Variants in MACROD2 observed in about 807,000 individuals in gnomAD.
The protein encoded by MACROD2 is mono-ADP ribosylhydrolase 2.
Under a neutral mutation model 70.4 loss-of-function variants are expected in MACROD2, and 36 were observed. The ratio of observed to expected loss-of-function variants is 0.51; its 90% confidence interval spans 0.39 to 0.68. The LOEUF is 0.68. Ranked by LOEUF, MACROD2 falls within the 30% of genes least tolerant of loss-of-function variation. The pLI is 0.00. For missense variants in MACROD2, 496 were observed against 538.4 expected, an observed-to-expected ratio of 0.92 and a Z score of 0.78; for synonymous variants, 172 against 178.8, an observed-to-expected ratio of 0.96 and a Z score of 0.30.
At chr20:14,419,659 T>A (rs1216995659) in intron 3 of MACROD2, among the ~76,000 whole-genome samples, 1 of 152,156 alleles carries the variant, frequency 6.6e-6, no homozygotes, top group Non-Finnish European at 1.5e-5. Context: ...AGGCATATTC[T>A]CTTTATAAAA....
At position 14,241,453 on chromosome 20, in the gene MACROD2, C is replaced by T. The variant is rs7263801; in HGVS notation, c.271+155725C>T. Among the ~76,000 whole-genome samples the T allele has an allele frequency of 5.4e-3, 816 of 151,662 alleles. 5 individuals are homozygous for T. The highest frequency in any genetic ancestry group is 0.018 in the African/African-American group (735 of 41,326). On this transcript the variant is annotated intron_variant, in intron 3 of 17. Coordinates refer to ENST00000684519, the MANE Select transcript of MACROD2 (RefSeq NM_001351661.2). ...AACCACTGCTGGGAATTCAATGGAC[C>T]GTAAACATAGGCACATAACAGACAT...
At chr20:14,474,440 A>G (rs1007412042) in intron 3 of MACROD2, among the ~76,000 whole-genome samples, 5 of 152,170 alleles carry the variant, frequency 3.3e-5, no homozygotes, top group African/African-American at 9.6e-5. Context: ...AGAAGAATGT[A>G]TATTCTACAG....
At chr20:14,284,951 G>T (rs1365574482) in intron 3 of MACROD2, among the ~76,000 whole-genome samples, 2 of 152,096 alleles carry the variant, frequency 1.3e-5, no homozygotes, top group Non-Finnish European at 2.9e-5. Context: ...CTTGTTTATG[G>T]ATTGATTGTA....
chr20:15,988,108 T>C (rs1223236074), intron 15 of MACROD2, among the ~76,000 whole-genome samples: 1 of 152,178 alleles, frequency 6.6e-6, no homozygotes. Flanking sequence ...GTTTAATTGC[T>C]AAACCATGTT....
At chr20:14,071,306 G>A (rs2053838375) in intron 2 of MACROD2, among the ~76,000 whole-genome samples, 1 of 119,812 alleles carries the variant, frequency 8.3e-6, no homozygotes, top group African/African-American at 3.2e-5. Flanking sequence ...TGTCGTCCAG[G>A]CCAGAGTGCA....
At chr20:14,134,767 TGCA>T (rs1456402771) in intron 3 of MACROD2, among the ~76,000 whole-genome samples, 2 of 126,556 alleles carry the variant, frequency 1.6e-5, no homozygotes, top group Non-Finnish European at 3.1e-5. Context: ...ATCGCGCTAC[TGCA>T]CTCCCGCCTG....
chr20:15,569,338 A>G (rs1383278916), intron 8 of MACROD2, among the ~76,000 whole-genome samples: 1 of 152,222 alleles, frequency 6.6e-6, no homozygotes, highest in Admixed American at 6.5e-5. Flanking sequence ...AGTTATATAT[A>G]AATGCTGTGG....
chr20:15,658,754 A>T (rs1384452606), intron 8 of MACROD2, among the ~76,000 whole-genome samples: 1 of 152,078 alleles, frequency 6.6e-6, no homozygotes, highest in African/African-American at 2.4e-5. Flanking sequence ...GCTCTGTGGG[A>T]GCTCTGCTTG....
intron 5 of MACROD2, among the ~76,000 whole-genome samples, chr20:14,960,814 T>A (rs1010955458): frequency 2.0e-5 from 3 of 152,158 alleles, no homozygotes; most frequent in Admixed American, 6.5e-5. Context: ...ATCCACACAC[T>A]TTTTTAGTGA....
intron 6 of MACROD2, among the ~76,000 whole-genome samples, chr20:15,298,078 G>A (rs2077607870): frequency 6.6e-6 from 1 of 152,144 alleles, no homozygotes; most frequent in African/African-American, 2.4e-5. Context: ...CAGGTTACCT[G>A]AGAACACAGA....
intron 8 of MACROD2, among the ~76,000 whole-genome samples, chr20:15,651,199 C>A (rs772658893): frequency 6.6e-6 from 1 of 152,168 alleles, no homozygotes; most frequent in Non-Finnish European, 1.5e-5. Context: ...TCCACCCATG[C>A]AATGGTTGAT....
chr20:14,825,879 A>G (rs535517847), intron 5 of MACROD2, among the ~76,000 whole-genome samples: 4 of 152,258 alleles, frequency 2.6e-5, no homozygotes, highest in African/African-American at 7.2e-5. Flanking sequence ...GGGGATGCCT[A>G]TGCACAAAAG....
chr20:15,307,694 C>T (rs1385198808), intron 6 of MACROD2, among the ~76,000 whole-genome samples: 3 of 151,960 alleles, frequency 2.0e-5, no homozygotes, highest in African/African-American at 7.2e-5. Context: ...ATTTATGCAC[C>T]TTGTTCAAAT....
intron 12 of MACROD2, 88 bp downstream of exon 12, chr20:15,937,632 T>G: frequency 8.1e-7 from 1 of 1,233,408 alleles, no homozygotes; most frequent in Non-Finnish European, 1.2e-6. Flanking sequence ...AAGCAGCAAG[T>G]CAAATATAAC....
intron 4 of MACROD2, among the ~76,000 whole-genome samples, chr20:14,601,627 A>G (rs976260312): frequency 2.6e-5 from 4 of 152,144 alleles, no homozygotes; most frequent in African/African-American, 9.7e-5. Flanking sequence ...TGCCAATACA[A>G]TTGTAAAATA....
At chr20:16,000,168 C>T (rs1159724360) in intron 15 of MACROD2, among the ~76,000 whole-genome samples, 1 of 152,090 alleles carries the variant, frequency 6.6e-6, no homozygotes, top group African/African-American at 2.4e-5. Context: ...TACTGCTGAG[C>T]CCCAGTCTAT....
At chr20:14,685,838 C>A (rs2070995435) in intron 5 of MACROD2, among the ~76,000 whole-genome samples, 1 of 152,010 alleles carries the variant, frequency 6.6e-6, no homozygotes, top group Non-Finnish European at 1.5e-5. Context: ...TTTGTTTTAG[C>A]AGTGGAGAAA....
At chr20:14,000,150 T>G (rs1340344711) in intron 1 of MACROD2, among the ~76,000 whole-genome samples, 1 of 152,252 alleles carries the variant, frequency 6.6e-6, no homozygotes, top group Non-Finnish European at 1.5e-5. Flanking sequence ...TGATGCTTCC[T>G]TCCGTTCCCT....
At chr20:14,589,323 T>C (rs1381300593) in intron 4 of MACROD2, among the ~76,000 whole-genome samples, 2 of 152,314 alleles carry the variant, frequency 1.3e-5, no homozygotes, top group East Asian at 3.9e-4. Flanking sequence ...TATCTGTTAT[T>C]GCTTTATCAG....
Sources: gnomAD v4.1 joint callset for allele counts (sites outside exome capture counted in the v4.1 genomes callset) on GRCh38, gnomAD v4.1.1 for gene constraint, MANE v1.5 for transcripts, NCBI Gene and HGNC (gene_info 2026-07-23, HGNC 2026-07-21) for gene names.